The following PRKCE variants were observed in gnomAD, a reference collection of about 807,000 sequenced individuals.
PRKCE encodes protein kinase C epsilon type.
PRKCE carries 16 observed loss-of-function variants against 85.4 expected under a neutral mutation model. The observed-to-expected ratio is 0.19, with a 90% CI of 0.13 to 0.28. The LOEUF (loss-of-function observed/expected upper bound fraction) is 0.28. Ranked by LOEUF, PRKCE falls within the 10% of genes least tolerant of loss-of-function variation. PRKCE has a pLI of 1.00. For missense variants in PRKCE, 573 were observed against 975.2 expected, an observed-to-expected ratio of 0.59 and a Z score of 5.49; for synonymous variants, 388 against 371.5, an observed-to-expected ratio of 1.04 and a Z score of -0.51.
At position 45,961,183 on chromosome 2, in the gene PRKCE, C is replaced by A. The variant is rs977090946; in HGVS notation, c.413-15246C>A. On this transcript the variant is annotated intron_variant, in intron 2 of 14. Coordinates refer to ENST00000306156, the MANE Select transcript of PRKCE (RefSeq NM_005400.3). ...CATTGATCCTTCCTCTGCTTCTCTC[C>A]ATAGGCAGGAGTGTGTAACACCAAG... Among the ~76,000 whole-genome samples, 7 of 152,168 alleles carry A rather than the reference C, an allele frequency of 4.6e-5. 1 individual carries two copies. The highest frequency in any genetic ancestry group is 1.4e-4 in the African/African-American group (6 of 41,434).
chr2:46,001,689 A>T lies in PRKCE; in HGVS notation c.966+143A>T. 1.0e-6 allele frequency: 1 copy of T among 999,344 alleles called. No individual in the cohort carries two copies. The highest frequency in any genetic ancestry group is 1.3e-6 in the Non-Finnish European group (1 of 747,606). 61.9% of individuals were successfully genotyped at this position (999,344 alleles called of 1,614,324 possible). A position where few individuals can be genotyped will look rare whatever the true frequency, so the allele number is the denominator to read the frequency against. On this transcript the variant is annotated intron_variant, in intron 7 of 14. Coordinates refer to ENST00000306156, the MANE Select transcript of PRKCE (RefSeq NM_005400.3). This position sits in a 1 kb window ranked among gnomAD's most constrained non-coding sequence, Gnocchi z 4.4. ...CAGAACTGCAGTACTTAAAGAAAAA[A>T]ACAAAGATAGAAGCCAGGCAGGTAA...
intron 10 of PRKCE, among the ~76,000 whole-genome samples, chr2:46,081,578 C>T (rs1013613557): frequency 6.6e-6 from 1 of 152,148 alleles, no homozygotes; most frequent in Non-Finnish European, 1.5e-5. Context: ...TCAGAGAAGT[C>T]AGGGGCAGCT....
intron 14 of PRKCE, among the ~76,000 whole-genome samples, chr2:46,175,309 G>C (rs985290014): frequency 2.0e-5 from 3 of 152,132 alleles, no homozygotes; most frequent in African/African-American, 7.2e-5. Flanking sequence ...AGGTGGCCTA[G>C]GTGAAACAAT....
chr2:46,130,164 G>A (rs1469136261), intron 11 of PRKCE, among the ~76,000 whole-genome samples: 1 of 151,668 alleles, frequency 6.6e-6, no homozygotes, highest in African/African-American at 2.4e-5. Context: ...TAAACCATTG[G>A]GTTGGTAAAA....
chr2:45,693,893 C>G (rs976708804), intron 1 of PRKCE, among the ~76,000 whole-genome samples: 1 of 151,808 alleles, frequency 6.6e-6, no homozygotes, highest in Admixed American at 6.6e-5. Context: ...GTCCTAGGAT[C>G]CATAGCAGGG....
At chr2:46,050,425 C>G (rs1337066379) in intron 10 of PRKCE, among the ~76,000 whole-genome samples, 1 of 152,246 alleles carries the variant, frequency 6.6e-6, no homozygotes, top group East Asian at 1.9e-4. Context: ...TCTGTAATCA[C>G]CTTGGAGTTT....
intron 10 of PRKCE, among the ~76,000 whole-genome samples, chr2:46,069,135 C>T (rs533294855): frequency 6.6e-6 from 1 of 152,318 alleles, no homozygotes; most frequent in Non-Finnish European, 1.5e-5. Context: ...ATTGAAGATG[C>T]TTTGAAGAGG....
chr2:45,904,717 C>T (rs765990547), intron 2 of PRKCE, among the ~76,000 whole-genome samples: 2 of 152,188 alleles, frequency 1.3e-5, no homozygotes, highest in South Asian at 2.1e-4. Flanking sequence ...GAAACCGTCT[C>T]CCCCGGTTGC....
intron 1 of PRKCE, among the ~76,000 whole-genome samples, chr2:45,671,591 C>G (rs1025769353): frequency 2.6e-5 from 4 of 152,186 alleles, no homozygotes; most frequent in African/African-American, 9.7e-5. Flanking sequence ...TGCCTCCCCC[C>G]ACCAGCCTTC....
rs1350391423 is a variant in PRKCE at position 46,159,801 on chromosome 2, C to G, written c.2067+49C>G. ...CAGCACCATGGGTCGGGCCCAGGTACTTGCAGGACAGGCTGCGTGCACCCA... is the reference window on the plus strand; with the variant it reads ...CAGCACCATGGGTCGGGCCCAGGTAGTTGCAGGACAGGCTGCGTGCACCCA... On this transcript the variant is annotated intron_variant, in intron 14 of 14. Coordinates refer to ENST00000306156, the MANE Select transcript of PRKCE (RefSeq NM_005400.3). The surrounding 1 kb of genome is among the most constrained non-coding windows in gnomAD (Gnocchi z 4.1). 1.3e-6 allele frequency: 2 copies of G among 1,591,046 alleles called. No individual in the cohort carries two copies. Among genetic ancestry groups the G allele is most frequent in the Non-Finnish European group, 1.7e-6 (2 of 1,176,940 alleles).
chr2:45,708,430 G>C (rs868150091), intron 1 of PRKCE, among the ~76,000 whole-genome samples: 1 of 152,116 alleles, frequency 6.6e-6, no homozygotes, highest in African/African-American at 2.4e-5. Context: ...CATGGGGCCA[G>C]GTCTTTCCCA....
rs1365921770 is a variant in PRKCE at position 45,884,996 on chromosome 2, TA to T, written c.412+41934del. On this transcript the variant is annotated intron_variant, in intron 2 of 14. Coordinates refer to ENST00000306156, the MANE Select transcript of PRKCE (RefSeq NM_005400.3). ...ATATATATATATATATATATATATATATATATTTGTTGTTGTTGTTGTTGTT... is the reference window on the plus strand; with the variant it reads ...ATATATATATATATATATATATATATTATATTTGTTGTTGTTGTTGTTGTT... 6.5e-3 allele frequency among the ~76,000 whole-genome samples: 488 copies of T among 74,946 alleles called. 25 individuals carry two copies. Among genetic ancestry groups the T allele is most frequent in the African/African-American group, 0.015 (334 of 22,832 alleles). 49.2% of individuals were successfully genotyped at this position (74,946 alleles called of 152,430 possible). A position where few individuals can be genotyped will look rare whatever the true frequency, so the allele number is the denominator to read the frequency against.
chr2:46,174,616 TGC>T (rs952436475), intron 14 of PRKCE, among the ~76,000 whole-genome samples: 23 of 152,102 alleles, frequency 1.5e-4, no homozygotes, highest in African/African-American at 5.5e-4. Flanking sequence ...GGCTCCCCCA[TGC>T]CACACACAAC....
chr2:45,758,506 C>T (rs1009413361), intron 1 of PRKCE, among the ~76,000 whole-genome samples: 1 of 128,266 alleles, frequency 7.8e-6, no homozygotes, highest in African/African-American at 2.9e-5. Context: ...ACAACTCTGC[C>T]TGGAACACTT....
At chr2:46,163,605 C>T (rs112557817) in intron 14 of PRKCE, among the ~76,000 whole-genome samples, 2 of 110,610 alleles carry the variant, frequency 1.8e-5, no homozygotes, top group East Asian at 3.1e-4. Flanking sequence ...CTGAGAGACA[C>T]GGGGAAGCTG....
intron 10 of PRKCE, among the ~76,000 whole-genome samples, chr2:46,082,543 T>C (rs1669189295): frequency 6.6e-6 from 1 of 151,934 alleles, no homozygotes; most frequent in South Asian, 2.1e-4. Context: ...GTTGGATGAG[T>C]GGTCCGGAGC....
rs116565136 is a variant in PRKCE at position 46,032,223 on chromosome 2, G to T, written c.1437+21706G>T. On this transcript the variant is annotated intron_variant, in intron 10 of 14. Transcript: ENST00000306156. ...TTCATGGTGCTTTTGCGACAGGCAGGGTCCTGGGATATCTTTCTTTGACAG... is the reference window on the plus strand; with the variant it reads ...TTCATGGTGCTTTTGCGACAGGCAGTGTCCTGGGATATCTTTCTTTGACAG... Among the ~76,000 whole-genome samples, 597 of 151,632 alleles carry T rather than the reference G, an allele frequency of 3.9e-3. 7 individuals carry two copies. The highest frequency in any genetic ancestry group is 0.014 in the African/African-American group (572 of 41,496).
At chr2:45,971,124 A>G (rs779577727) in intron 2 of PRKCE, among the ~76,000 whole-genome samples, 1 of 152,138 alleles carries the variant, frequency 6.6e-6, no homozygotes. Context: ...GGACTTACTC[A>G]TCTTGCATAA....
intron 8 of PRKCE, among the ~76,000 whole-genome samples, chr2:46,006,811 C>G (rs1188249153): frequency 6.6e-6 from 1 of 152,200 alleles, no homozygotes; most frequent in Admixed American, 6.5e-5. Context: ...AAATTCCCGC[C>G]CCATTGGAGA....
Sources: allele counts gnomAD v4.1 joint callset (sites outside exome capture counted in the v4.1 genomes callset), GRCh38; gene constraint gnomAD v4.1.1; non-coding constraint Gnocchi (gnomAD v3.1); transcripts MANE v1.5; gene names NCBI Gene and HGNC (gene_info 2026-07-23, HGNC 2026-07-21).